CYP7B1: variants seen among roughly 807,000 people sequenced by gnomAD.
CYP7B1 encodes cytochrome P450 family 7 subfamily B member 1, also known as cytochrome P450 7B1.
CYP7B1 carries 29 observed loss-of-function variants against 42.7 expected under a neutral mutation model. That is an observed-to-expected ratio of 0.68 (90% confidence interval 0.51 to 0.93). CYP7B1 has a LOEUF of 0.93. CYP7B1 is among the 40% of genes least tolerant of loss of function. CYP7B1 has a pLI of 0.00. For missense variants in CYP7B1, 655 were observed against 600.5 expected (o/e 1.09, Z -0.95); for synonymous variants, 235 against 218.2 (o/e 1.08, Z -0.68).
At chr8:64,738,910 A>C (rs748508666) in intron 1 of CYP7B1, among the ~76,000 whole-genome samples, 6 of 152,160 alleles carry the variant, frequency 3.9e-5, no homozygotes, top group Non-Finnish European at 8.8e-5. Context: ...ATTAACAGTG[A>C]GAAACTCCTG....
intron 1 of CYP7B1, among the ~76,000 whole-genome samples, chr8:64,685,702 C>T (rs1263618443): frequency 2.0e-5 from 1 of 50,406 alleles, no homozygotes; most frequent in Non-Finnish European, 5.0e-5. Context: ...GGAGCCTCTC[C>T]GCCCGGCAGC....
chr8:64,732,500 G>A (rs1807427314), intron 1 of CYP7B1, among the ~76,000 whole-genome samples: 1 of 152,140 alleles, frequency 6.6e-6, no homozygotes, highest in Non-Finnish European at 1.5e-5. Context: ...GACTTCACAG[G>A]CTCATAGGCG....
In CYP7B1 at chr8:64,697,596, C is replaced by T. The variant is rs1275419749; in HGVS notation, c.123-73057G>A. On this transcript the variant is annotated intron_variant, in intron 1 of 5. Transcript: ENST00000310193. ...GAGGGCTGAAGGAATGAAGGAAGAA[C>T]TAATAGCGCATGGGGCTGTTTTTGT... 2.0e-5 allele frequency among the ~76,000 whole-genome samples: 3 copies of T among 152,132 alleles called. No individual in the cohort carries two copies. The East Asian group carries it at 5.8e-4, about 29-fold the overall frequency.
chr8:64,774,543 A>G (rs1285035007), intron 1 of CYP7B1, among the ~76,000 whole-genome samples: 1 of 152,158 alleles, frequency 6.6e-6, no homozygotes, highest in African/African-American at 2.4e-5. Flanking sequence ...AAAAAACTAC[A>G]TATAAAAACA....
chr8:64,608,150 C>A (rs980401628), intron 4 of CYP7B1, among the ~76,000 whole-genome samples: 8 of 152,122 alleles, frequency 5.3e-5, no homozygotes, highest in Admixed American at 3.9e-4. Context: ...AAGTGAAATG[C>A]CAGGGAATGT....
intron 1 of CYP7B1, among the ~76,000 whole-genome samples, chr8:64,645,520 A>G (rs1246400497): frequency 6.6e-6 from 1 of 152,070 alleles, no homozygotes; most frequent in Non-Finnish European, 1.5e-5. Context: ...AAGGAGAACT[A>G]CAAACCAGTG....
intron 1 of CYP7B1, among the ~76,000 whole-genome samples, chr8:64,655,702 C>T (rs1806110741): frequency 6.6e-6 from 1 of 152,172 alleles, no homozygotes. Flanking sequence ...ACCATAAAGA[C>T]ACATGCACAC....
chr8:64,789,784 C>A (rs1188713281), intron 1 of CYP7B1, among the ~76,000 whole-genome samples: 2 of 152,174 alleles, frequency 1.3e-5, no homozygotes, highest in Admixed American at 1.3e-4. Context: ...CCAAGATGAC[C>A]CACTGCTTGT....
chr8:64,666,554 G>A (rs1563382774), intron 1 of CYP7B1, among the ~76,000 whole-genome samples: 2 of 152,074 alleles, frequency 1.3e-5, no homozygotes, highest in Non-Finnish European at 2.9e-5. Flanking sequence ...GAGTGTCCAG[G>A]TGGGGTGGAC....
intron 1 of CYP7B1, among the ~76,000 whole-genome samples, chr8:64,640,673 G>A (rs1255250389): frequency 2.6e-5 from 4 of 152,032 alleles, no homozygotes; most frequent in Non-Finnish European, 4.4e-5. Context: ...TAAGGAAACA[G>A]AATCAGAGAT....
chr8:64,626,296 TGACA>T (rs1444653404), intron 1 of CYP7B1, among the ~76,000 whole-genome samples: 2 of 152,196 alleles, frequency 1.3e-5, no homozygotes, highest in Non-Finnish European at 1.5e-5. Context: ...CTGCCAGAGC[TGACA>T]GACATTGTGT....
At chr8:64,702,565 T>A (rs374710532) in intron 1 of CYP7B1, among the ~76,000 whole-genome samples, 3 of 152,076 alleles carry the variant, frequency 2.0e-5, no homozygotes, top group African/African-American at 7.2e-5. Context: ...TAAAGTAACC[T>A]CCAGGAACCC....
chr8:64,735,508 T>C lies in CYP7B1; in HGVS notation c.122+62958A>G, dbSNP rs369944191. 9.8e-5 allele frequency among the ~76,000 whole-genome samples: 15 copies of C among 152,322 alleles called. No individual in the cohort carries two copies. In the South Asian group the frequency reaches 3.1e-3, roughly 32 times the overall value. On this transcript the variant is annotated intron_variant, in intron 1 of 5. Coordinates refer to ENST00000310193, the MANE Select transcript of CYP7B1 (RefSeq NM_004820.5). ...CTTTTCCTGGTCACCTTTCCATAACTAACCTTTCCAAAATGTTTCTTTGTT... is the reference window on the plus strand; with the variant it reads ...CTTTTCCTGGTCACCTTTCCATAACCAACCTTTCCAAAATGTTTCTTTGTT...
At chr8:64,588,680 C>A (rs187109466), downstream of CYP7B1, among the ~76,000 whole-genome samples, 10 of 152,312 alleles carry the variant, frequency 6.6e-5, no homozygotes, top group African/African-American at 2.2e-4. Flanking sequence ...AGTTTTTGTA[C>A]CTAACTAGTC....
chr8:64,717,857 G>GTTTT (rs11385332), intron 1 of CYP7B1, among the ~76,000 whole-genome samples: 1 of 140,846 alleles, frequency 7.1e-6, no homozygotes. Context: ...CAAAAAATAA[G>GTTTT]TTTTTTTTTT....
chr8:64,662,776 CA>C (rs141857363), intron 1 of CYP7B1, among the ~76,000 whole-genome samples: 4,390 of 150,592 alleles, frequency 0.029, 193 homozygotes, highest in African/African-American at 0.1. Flanking sequence ...CTATGGTAGA[CA>C]AAAAAAAACT....
intron 1 of CYP7B1, among the ~76,000 whole-genome samples, chr8:64,756,963 T>G (rs908559997): frequency 6.6e-6 from 1 of 152,112 alleles, no homozygotes; most frequent in Non-Finnish European, 1.5e-5. Context: ...AGACGTACAG[T>G]GGGGATTTCC....
At chr8:64,632,511 A>G (rs544781991) in intron 1 of CYP7B1, among the ~76,000 whole-genome samples, 3 of 152,254 alleles carry the variant, frequency 2.0e-5, no homozygotes, top group East Asian at 1.9e-4. Context: ...ACAACATTGT[A>G]TGTATAGTCA....
chr8:64,611,611 T>TA (rs1275227550), intron 4 of CYP7B1, among the ~76,000 whole-genome samples: 1 of 152,160 alleles, frequency 6.6e-6, no homozygotes, highest in Non-Finnish European at 1.5e-5. Flanking sequence ...ATTCTCTTTT[T>TA]AAAAAAGTAT....
Sources: allele counts gnomAD v4.1 joint callset (sites outside exome capture counted in the v4.1 genomes callset), GRCh38; gene constraint gnomAD v4.1.1; transcripts MANE v1.5; gene names NCBI Gene and HGNC (gene_info 2026-07-23, HGNC 2026-07-21).